The following PCDHGA1 variants were observed in gnomAD, a reference collection of about 807,000 sequenced individuals.
PCDHGA1 encodes protocadherin gamma subfamily A, 1.
Under a neutral mutation model 58.0 loss-of-function variants are expected in PCDHGA1, and 32 were observed. The ratio of observed to expected loss-of-function variants is 0.55; its 90% CI spans 0.42 to 0.74. PCDHGA1 has a LOEUF of 0.74. Ranked by LOEUF, PCDHGA1 falls within the 30% of genes least tolerant of loss-of-function variation. The pLI is 0.00. For synonymous variants in PCDHGA1, 498 were observed against 501.1 expected (o/e 0.99, Z 0.08); for missense variants, 1,205 against 1,182.3 (o/e 1.02, Z -0.28).
intron 1 of PCDHGA1, chr5:141,393,118 G>A: frequency 3.7e-6 from 6 of 1,613,472 alleles, no homozygotes; most frequent in Non-Finnish European, 5.1e-6. Flanking sequence ...AGCCCGCGGT[G>A]TCTGATAAAT....
chr5:141,447,257 A>G (rs1182682161), intron 1 of PCDHGA1, among the ~76,000 whole-genome samples: 1 of 152,080 alleles, frequency 6.6e-6, no homozygotes, highest in Non-Finnish European at 1.5e-5. Flanking sequence ...CTTCTGTCTC[A>G]GCCTCCCAAG....
In PCDHGA1 at chr5:141,491,341, G is replaced by C. The variant is rs775712620; in HGVS notation, c.2422-3466G>C. ...TTACCTCATTGTGGCTCTAGCGACC[G>C]TCAGTCTCTTATCCCTAGTCACCTT... On this transcript the variant is annotated intron_variant, in intron 1 of 3. Transcript: ENST00000517417. This position sits in a 1 kb window ranked among gnomAD's most constrained non-coding sequence, Gnocchi z 6.9. 10 of 1,614,100 alleles carry C rather than the reference G, an allele frequency of 6.2e-6. No homozygotes were observed. In the East Asian group the frequency reaches 8.9e-5, roughly 14 times the overall value.
At chr5:141,399,205 A>G (rs1344993471) in intron 1 of PCDHGA1, 1 of 1,613,982 alleles carries the variant, frequency 6.2e-7, no homozygotes, top group Admixed American at 1.7e-5. Flanking sequence ...GGTGCCTGGA[A>G]CACTAATTGC....
rs766474451 is a variant in PCDHGA1 at position 141,477,676 on chromosome 5, AT to A, written c.2422-17130del. On this transcript the variant is annotated intron_variant, in intron 1 of 3. Coordinates refer to ENST00000517417, the MANE Select transcript of PCDHGA1 (RefSeq NM_018912.3). This position sits in a 1 kb window ranked among gnomAD's most constrained non-coding sequence, Gnocchi z 4.9. ...TAAATCGTGACAATGGCATAGTGTCATCCTTAGTGCCCCTAGACTATGAGGA... is the reference window on the plus strand; with the variant it reads ...TAAATCGTGACAATGGCATAGTGTCACCTTAGTGCCCCTAGACTATGAGGA... 6.2e-7 allele frequency: 1 copy of A among 1,614,194 alleles called. No homozygotes were observed. The highest frequency in any genetic ancestry group is 2.2e-5 in the East Asian group (1 of 44,886).
intron 2 of PCDHGA1, among the ~76,000 whole-genome samples, chr5:141,495,128 G>T (rs1408872159): frequency 2.6e-5 from 4 of 152,160 alleles, no homozygotes; most frequent in African/African-American, 9.7e-5. Flanking sequence ...TCCCCTGAGG[G>T]CACTGTGGAA....
At chr5:141,408,775 C>T (rs780901987) in intron 1 of PCDHGA1, 7 of 1,611,568 alleles carry the variant, frequency 4.3e-6, no homozygotes, top group Non-Finnish European at 5.9e-6. Context: ...GTGGCAAATA[C>T]CCAGAGTTAT....
intron 1 of PCDHGA1, chr5:141,370,456 T>C (rs889377616): frequency 6.2e-7 from 1 of 1,611,944 alleles, no homozygotes; most frequent in African/African-American, 1.3e-5. Context: ...TTTCTCTTCC[T>C]GCTCTCTTTG....
intron 1 of PCDHGA1, chr5:141,441,697 C>T: frequency 6.5e-6 from 2 of 307,306 alleles, no homozygotes; most frequent in Non-Finnish European, 1.3e-5. Flanking sequence ...CAGCCGCGAG[C>T]CTTCAAGCTC....
chr5:141,356,397 A>G (rs746367214), intron 1 of PCDHGA1: 3 of 1,582,770 alleles, frequency 1.9e-6, no homozygotes, highest in African/African-American at 2.7e-5. Flanking sequence ...AGACCTATGG[A>G]AATTATTATC....
chr5:141,400,106 T>A (rs771937544), intron 1 of PCDHGA1: 1 of 1,613,950 alleles, frequency 6.2e-7, no homozygotes, highest in African/African-American at 1.3e-5. Context: ...CACTTGGTCT[T>A]TGCTGACAGC....
chr5:141,499,037 G>A (rs912832519), intron 2 of PCDHGA1, among the ~76,000 whole-genome samples: 1 of 150,904 alleles, frequency 6.6e-6, no homozygotes, highest in South Asian at 2.1e-4. Context: ...AGAAAAGAAA[G>A]AAAAAGGGAG....
intron 1 of PCDHGA1, chr5:141,417,974 G>A: frequency 6.2e-7 from 1 of 1,613,856 alleles, no homozygotes. Flanking sequence ...CTCGATTCCG[G>A]AGGAGCTGGC....
At chr5:141,337,150 A>T (rs1363314984) in intron 1 of PCDHGA1, among the ~76,000 whole-genome samples, 1 of 152,234 alleles carries the variant, frequency 6.6e-6, no homozygotes, top group Non-Finnish European at 1.5e-5. Flanking sequence ...ATATGGAGAA[A>T]TTGGAATTCT....
At chr5:141,449,025 C>G (rs2154562458) in intron 1 of PCDHGA1, among the ~76,000 whole-genome samples, 1 of 152,216 alleles carries the variant, frequency 6.6e-6, no homozygotes, top group East Asian at 1.9e-4. Flanking sequence ...GCTTAGCATT[C>G]CTTTGGATTA....
At chr5:141,455,506 G>T (rs1307993951) in intron 1 of PCDHGA1, among the ~76,000 whole-genome samples, 1 of 152,152 alleles carries the variant, frequency 6.6e-6, no homozygotes, top group African/African-American at 2.4e-5. Flanking sequence ...ATTTGCATAG[G>T]GCTCAGGGGA....
chr5:141,384,366 T>A (rs573164893), intron 1 of PCDHGA1: 1 of 1,613,896 alleles, frequency 6.2e-7, no homozygotes, highest in Non-Finnish European at 8.5e-7. Context: ...AGATCACTTA[T>A]TCCTTGGCCG....
intron 1 of PCDHGA1, chr5:141,351,588 A>G: frequency 6.2e-7 from 1 of 1,614,022 alleles, no homozygotes; most frequent in South Asian, 1.1e-5. Flanking sequence ...GACATCAACG[A>G]CAATGCACCT....
At chr5:141,366,535 G>T (rs1463456881) in intron 1 of PCDHGA1, 2 of 1,614,262 alleles carry the variant, frequency 1.2e-6, no homozygotes. Context: ...TGGCGGGTGT[G>T]CCCGCCTCGC....
intron 1 of PCDHGA1, among the ~76,000 whole-genome samples, chr5:141,472,980 C>CAAA (rs60579131): frequency 5.8e-5 from 5 of 86,104 alleles, no homozygotes; most frequent in Non-Finnish European, 1.0e-4. Context: ...GAGTGAAACT[C>CAAA]AAAAAAAAAA....
Sources: gnomAD v4.1 joint callset for allele counts (sites outside exome capture counted in the v4.1 genomes callset) on GRCh38, gnomAD v4.1.1 for gene constraint, Gnocchi (gnomAD v3.1) non-coding constraint, MANE v1.5 for transcripts, NCBI Gene and HGNC (gene_info 2026-07-23, HGNC 2026-07-21) for gene names.